The following PPP3CB variants were observed in gnomAD, a reference collection of about 807,000 sequenced individuals.
PPP3CB encodes the protein serine/threonine-protein phosphatase 2B catalytic subunit beta isoform.
A neutral mutation model predicts 66.4 loss-of-function variants in PPP3CB; 8 were observed. The observed-to-expected ratio is 0.12, with a 90% CI of 0.07 to 0.22. The LOEUF (loss-of-function observed/expected upper bound fraction) is 0.22. Among genes scored for constraint, PPP3CB ranks in the 10% least tolerant of loss-of-function variants. The pLI is 1.00. For missense variants in PPP3CB, 319 were observed against 642.5 expected (o/e 0.50, Z 5.44); for synonymous variants, 208 against 221.2 (o/e 0.94, Z 0.53).
intron 1 of PPP3CB, 140 bp downstream of exon 1, chr10:73,495,665 C>T: frequency 7.6e-7 from 1 of 1,311,374 alleles, no homozygotes; most frequent in Non-Finnish European, 9.9e-7. Flanking sequence ...CAGGGGCCCG[C>T]CCAGGGGCCA....
intron 9 of PPP3CB, among the ~76,000 whole-genome samples, chr10:73,459,063 T>C (rs2056477985): frequency 6.6e-6 from 1 of 151,784 alleles, no homozygotes; most frequent in African/African-American, 2.4e-5. Flanking sequence ...AGAGCAAAAC[T>C]CTGTCTCAAA....
intron 1 of PPP3CB, among the ~76,000 whole-genome samples, chr10:73,490,075 C>T (rs2057047963): frequency 6.6e-6 from 1 of 152,168 alleles, no homozygotes; most frequent in Non-Finnish European, 1.5e-5. Flanking sequence ...ACTTAATATC[C>T]TATTCACTTC....
Position 73,446,489 on chromosome 10 carries a change from T to C in PPP3CB, c.1268+3A>G, listed in dbSNP as rs1374412302. ...ACAAATAATCAAGAAAATATATCAT[T>C]ACCTGAGAACAGAGAAGACTCTTGC... is the stretch of plus-strand genomic sequence containing the variant. On this transcript the variant is annotated splice_donor_region_variant and intron_variant, in intron 11 of 13. Transcript: ENST00000360663. 1 of 1,601,822 alleles carries C rather than the reference T, an allele frequency of 6.2e-7. No individual in the cohort carries two copies. Among genetic ancestry groups the C allele is most frequent in the Non-Finnish European group, 8.6e-7 (1 of 1,168,902 alleles).
chr10:73,471,255 T>C (rs1233039046), intron 5 of PPP3CB, 46 bp from the exon 6 acceptor site: 1 of 1,541,448 alleles, frequency 6.5e-7, no homozygotes, highest in African/African-American at 1.4e-5. Context: ...CATCAAAAAG[T>C]AAGGATAAAA....
intron 9 of PPP3CB, 144 bp downstream of exon 9, chr10:73,467,409 T>A: frequency 3.5e-6 from 2 of 564,764 alleles, no homozygotes; most frequent in Non-Finnish European, 5.6e-6. Context: ...GAGACTCTTA[T>A]GTCCACACCC....
chr10:73,467,110 G>A (rs1330984547), intron 9 of PPP3CB: 3 of 151,894 alleles, frequency 2.0e-5, no homozygotes, highest in African/African-American at 7.3e-5. Flanking sequence ...TTCTCTTTAT[G>A]ATTTCTCTTA....
intron 1 of PPP3CB, among the ~76,000 whole-genome samples, chr10:73,483,625 C>A (rs1386707956): frequency 6.6e-6 from 1 of 152,056 alleles, no homozygotes; most frequent in Middle Eastern, 3.4e-3. Flanking sequence ...CCAGTGCATT[C>A]CAGCCTGGGA....
At chr10:73,446,108 CTTTT>C (rs770474339) in intron 11 of PPP3CB, among the ~76,000 whole-genome samples, 1 of 138,154 alleles carries the variant, frequency 7.2e-6, no homozygotes, top group Non-Finnish European at 1.6e-5. Flanking sequence ...TTTTTTCTTT[CTTTT>C]TTTTTTTTTT....
chr10:73,479,615 G>A, intron 1 of PPP3CB, 98 bp from the exon 2 acceptor site: 6 of 1,176,760 alleles, frequency 5.1e-6, no homozygotes, highest in Non-Finnish European at 7.0e-6. Context: ...CTGTAAAGCA[G>A]GGATTTTTCT....
chr10:73,481,452 G>A (rs539749004), intron 1 of PPP3CB, among the ~76,000 whole-genome samples: 1 of 150,572 alleles, frequency 6.6e-6, no homozygotes, highest in African/African-American at 2.4e-5. Flanking sequence ...CAGCCTGGTC[G>A]ACAGTGAGAC....
intron 9 of PPP3CB, among the ~76,000 whole-genome samples, chr10:73,462,949 C>CAAAAAAAAA (rs10569079): frequency 5.1e-5 from 3 of 58,784 alleles, no homozygotes; most frequent in Non-Finnish European, 8.4e-5. Context: ...GACTCTGTCT[C>CAAAAAAAAA]AAAAAAAAAA....
At chr10:73,472,136 GCTCT>G (rs1369124797) in intron 4 of PPP3CB, among the ~76,000 whole-genome samples, 1 of 152,112 alleles carries the variant, frequency 6.6e-6, no homozygotes, top group Non-Finnish European at 1.5e-5. Flanking sequence ...CAAAATATTT[GCTCT>G]CTAAAATTAT....
chr10:73,490,829 TATTTA>T (rs529516136), intron 1 of PPP3CB, among the ~76,000 whole-genome samples: 13 of 152,044 alleles, frequency 8.6e-5, no homozygotes, highest in Admixed American at 2.0e-4. Context: ...AGATTTATTT[TATTTA>T]TTTATTTTTA....
intron 10 of PPP3CB, among the ~76,000 whole-genome samples, chr10:73,447,904 AC>A (rs200181435): frequency 6.6e-6 from 1 of 151,294 alleles, no homozygotes; most frequent in Non-Finnish European, 1.5e-5. Flanking sequence ...AAAAAAAAAA[AC>A]CACAAAAAAA....
chr10:73,467,320 T>G, intron 9 of PPP3CB: 1 of 265,468 alleles, frequency 3.8e-6, no homozygotes, highest in Non-Finnish European at 7.0e-6. Context: ...GCTGAAGACA[T>G]TGGGCTATTT....
At chr10:73,482,459 C>T (rs1012643494) in intron 1 of PPP3CB, among the ~76,000 whole-genome samples, 3 of 136,338 alleles carry the variant, frequency 2.2e-5, no homozygotes, top group Admixed American at 8.2e-5. Flanking sequence ...AGGAGAATGG[C>T]GTGAACCCGG....
chr10:73,438,724 G>A (rs2056103133), intron 13 of PPP3CB, among the ~76,000 whole-genome samples: 1 of 152,274 alleles, frequency 6.6e-6, no homozygotes. Context: ...AATGGTCTCA[G>A]GGTCTCAGTC....
chr10:73,486,773 G>A (rs373011283), intron 1 of PPP3CB, among the ~76,000 whole-genome samples: 1 of 152,040 alleles, frequency 6.6e-6, no homozygotes, highest in Admixed American at 6.5e-5. Context: ...TCTTAGCTCC[G>A]CATTAGCACT....
At position 73,491,308 on chromosome 10, in the gene PPP3CB, C is replaced by T. The variant is rs561480858; in HGVS notation, c.85+4497G>A. Among the ~76,000 whole-genome samples the T allele has an allele frequency of 5.9e-5, 9 of 151,972 alleles. No homozygotes were observed. In the South Asian group the frequency reaches 1.2e-3, roughly 21 times the overall value. ...CCTCCCAAAGTGCTGGGATTACAGG[C>T]GTGAGCCACTGTGCCCAGCCAAATT... On this transcript the variant is annotated intron_variant, in intron 1 of 13. Coordinates refer to ENST00000360663, the MANE Select transcript of PPP3CB (RefSeq NM_021132.4).
Sources: gnomAD v4.1 joint callset for allele counts (sites outside exome capture counted in the v4.1 genomes callset) on GRCh38, gnomAD v4.1.1 for gene constraint, MANE v1.5 for transcripts, NCBI Gene and HGNC (gene_info 2026-07-23, HGNC 2026-07-21) for gene names.